The following ATXN1 variants were observed in gnomAD, a reference collection of about 807,000 sequenced individuals.
ATXN1 encodes the protein ataxin 1.
A neutral mutation model predicts 56.4 loss-of-function variants in ATXN1; 8 were observed. The ratio of observed to expected loss-of-function variants is 0.14; its 90% CI spans 0.08 to 0.26. ATXN1 has a LOEUF of 0.26. ATXN1 is among the 10% of genes least tolerant of loss of function. The pLI is 1.00. For missense variants in ATXN1, 987 were observed against 1,106.5 expected (o/e 0.89, Z 1.53); for synonymous variants, 514 against 494.6 (o/e 1.04, Z -0.52).
At chr6:16,432,079 G>A (rs939602059) in intron 6 of ATXN1, among the ~76,000 whole-genome samples, 7 of 152,288 alleles carry the variant, frequency 4.6e-5, no homozygotes, top group African/African-American at 1.7e-4. Flanking sequence ...ATAAAAACTT[G>A]TTCAACCTAC....
At chr6:16,719,040 CA>C (rs1759695770) in intron 2 of ATXN1, among the ~76,000 whole-genome samples, 1 of 152,182 alleles carries the variant, frequency 6.6e-6, no homozygotes, top group African/African-American at 2.4e-5. Flanking sequence ...CTTTATTTCC[CA>C]TAACATTTGC....
At chr6:16,700,928 T>C (rs1759269953) in intron 2 of ATXN1, among the ~76,000 whole-genome samples, 1 of 151,870 alleles carries the variant, frequency 6.6e-6, no homozygotes, top group Admixed American at 6.6e-5. Flanking sequence ...CTTTAAACTT[T>C]GGTTTTAGCA....
At chr6:16,342,132 C>T (rs1761264531) in intron 6 of ATXN1, among the ~76,000 whole-genome samples, 1 of 151,928 alleles carries the variant, frequency 6.6e-6, no homozygotes, top group Non-Finnish European at 1.5e-5. Context: ...ATCCACCTAC[C>T]TTGGCCTCCC....
chr6:16,398,527 T>C lies in ATXN1; in HGVS notation c.-160-70057A>G, dbSNP rs542675652. ...TGAGGGGGAAAACAAACTATATACA[T>C]ACACATATACACGTATATATATGAA... is the stretch of plus-strand genomic sequence containing the variant. On this transcript the variant is annotated intron_variant, in intron 6 of 7. Transcript: ENST00000436367. Among the ~76,000 whole-genome samples, 3 of 152,344 alleles carry C rather than the reference T, an allele frequency of 2.0e-5. No homozygotes were observed. The East Asian group carries it at 5.8e-4, about 29-fold the overall frequency.
intron 7 of ATXN1, among the ~76,000 whole-genome samples, chr6:16,315,733 G>A (rs1419055155): frequency 6.6e-6 from 1 of 152,088 alleles, no homozygotes. Flanking sequence ...CATGATCATG[G>A]CTCACTGCAG....
intron 3 of ATXN1, among the ~76,000 whole-genome samples, chr6:16,600,013 A>G (rs1449250576): frequency 6.6e-6 from 1 of 152,218 alleles, no homozygotes; most frequent in African/African-American, 2.4e-5. Context: ...GAAATCTCAC[A>G]TGTGGTTCAT....
At chr6:16,509,881 A>G (rs960771835) in intron 5 of ATXN1, among the ~76,000 whole-genome samples, 2 of 152,120 alleles carry the variant, frequency 1.3e-5, no homozygotes, top group African/African-American at 4.8e-5. Context: ...TCACAGGCAT[A>G]CGGGTGGCCC....
chr6:16,560,322 C>T (rs890667405), intron 4 of ATXN1, among the ~76,000 whole-genome samples: 11 of 151,484 alleles, frequency 7.3e-5, no homozygotes, highest in East Asian at 5.9e-4. Flanking sequence ...CCCAGCTACT[C>T]GGGAGGCTGA....
At chr6:16,707,021 C>G (rs1759424169) in intron 2 of ATXN1, among the ~76,000 whole-genome samples, 1 of 152,092 alleles carries the variant, frequency 6.6e-6, no homozygotes, top group Non-Finnish European at 1.5e-5. Context: ...ATTGGCAGCT[C>G]AAATTCAAAA....
chr6:16,662,969 A>ATTTTTTTTTTTTTTTTTTTTTTTTTT, intron 2 of ATXN1, among the ~76,000 whole-genome samples: 1 of 129,646 alleles, frequency 7.7e-6, no homozygotes, highest in African/African-American at 3.0e-5. Flanking sequence ...TTCTGTTTGG[A>ATTTTTTTTTTTTTTTTTTTTTTTTTT]TTTTTTTTTT....
intron 6 of ATXN1, among the ~76,000 whole-genome samples, chr6:16,444,035 G>A (rs1026899761): frequency 6.6e-6 from 1 of 151,570 alleles, no homozygotes; most frequent in Admixed American, 6.6e-5. Flanking sequence ...AGAATGGCGT[G>A]AACCTGGGAG....
chr6:16,328,881 T>C lies in ATXN1; in HGVS notation c.-160-411A>G, dbSNP rs932600964. On this transcript the variant is annotated intron_variant, in intron 6 of 7. Coordinates refer to ENST00000436367, the MANE Select transcript of ATXN1 (RefSeq NM_001128164.2). This position sits in a 1 kb window ranked among gnomAD's most constrained non-coding sequence, Gnocchi z 6.2. ...GGCAGAGGTTGCAGTGAGCCGAGAT[T>C]GCACCATTGTACTCCAGCCTGGGCA... Among the ~76,000 whole-genome samples the C allele has an allele frequency of 1.3e-5, 2 of 152,090 alleles. No homozygotes were observed. The highest frequency in any genetic ancestry group is 4.8e-5 in the African/African-American group (2 of 41,392).
At chr6:16,654,510 C>T (rs1414166901) in intron 3 of ATXN1, among the ~76,000 whole-genome samples, 3 of 147,872 alleles carry the variant, frequency 2.0e-5, no homozygotes, top group Non-Finnish European at 4.4e-5. Context: ...CCACTGCACT[C>T]CAGCCTAGCA....
intron 4 of ATXN1, among the ~76,000 whole-genome samples, chr6:16,563,145 C>T (rs1252530417): frequency 6.6e-6 from 1 of 151,982 alleles, no homozygotes. Flanking sequence ...CTGGATTCTT[C>T]AAGATTTTAA....
intron 3 of ATXN1, among the ~76,000 whole-genome samples, chr6:16,596,464 T>C (rs957150120): frequency 1.3e-5 from 2 of 152,182 alleles, no homozygotes; most frequent in Non-Finnish European, 2.9e-5. Flanking sequence ...AGGAGCCCTT[T>C]GTAATGCTGA....
At chr6:16,379,709 T>C (rs1314226107) in intron 6 of ATXN1, among the ~76,000 whole-genome samples, 5 of 152,192 alleles carry the variant, frequency 3.3e-5, no homozygotes, top group Non-Finnish European at 5.9e-5. Flanking sequence ...ACCAGGCACG[T>C]GTAGAGGTCA....
chr6:16,761,065 TACACACAC>T lies in ATXN1; in HGVS notation c.-730+225_-730+232del, dbSNP rs3831007. 1.6e-3 allele frequency: 522 copies of T among 324,082 alleles called. 3 individuals are homozygous for T. Among genetic ancestry groups the T allele is most frequent in the African/African-American group, 0.01 (467 of 45,032 alleles). 20.1% of individuals were successfully genotyped at this position (324,082 alleles called of 1,614,324 possible). A position where few individuals can be genotyped will look rare whatever the true frequency, so the allele number is the denominator to read the frequency against. ...CCGGGGACGGTTGTATGTACACACA[TACACACAC>T]ACACACACACACACGCACACACACA... On this transcript the variant is annotated intron_variant, in intron 1 of 7. Transcript: ENST00000436367.
At chr6:16,522,177 C>T (rs547801800) in intron 5 of ATXN1, among the ~76,000 whole-genome samples, 27 of 152,272 alleles carry the variant, frequency 1.8e-4, no homozygotes, top group Middle Eastern at 3.4e-3. Context: ...GATGCCCCAT[C>T]TGTACATAGG....
intron 2 of ATXN1, among the ~76,000 whole-genome samples, chr6:16,687,837 C>CTTTGGTG (rs1758951393): frequency 6.6e-6 from 1 of 152,034 alleles, no homozygotes; most frequent in African/African-American, 2.4e-5. Flanking sequence ...TAGAGGTCAC[C>CTTTGGTG]AAAGCTGTAT....
Sources: gnomAD v4.1 joint callset for allele counts (sites outside exome capture counted in the v4.1 genomes callset) on GRCh38, gnomAD v4.1.1 for gene constraint, Gnocchi (gnomAD v3.1) non-coding constraint, MANE v1.5 for transcripts, NCBI Gene and HGNC (gene_info 2026-07-23, HGNC 2026-07-21) for gene names.